The following LRP1B variants were observed in gnomAD, a reference collection of about 807,000 sequenced individuals.
The protein encoded by LRP1B is low-density lipoprotein receptor-related protein 1B.
LRP1B carries 217 observed loss-of-function variants against 556.6 expected under a neutral mutation model. The observed-to-expected ratio is 0.39, with a 90% CI of 0.35 to 0.44. LRP1B has a LOEUF of 0.44. Ranked by LOEUF, LRP1B falls within the 20% of genes least tolerant of loss-of-function variation. The probability of loss-of-function intolerance (pLI) is 1.00; values close to 1 mark genes in which losing one functional copy is unlikely to be tolerated. For synonymous variants in LRP1B, 2,047 were observed against 1,865.8 expected, an observed-to-expected ratio of 1.10 and a Z score of -2.50; for missense variants, 5,053 against 5,620.8, an observed-to-expected ratio of 0.90 and a Z score of 3.23.
chr2:141,382,490 AG>A (rs1209226008), intron 3 of LRP1B, among the ~76,000 whole-genome samples: 5 of 152,200 alleles, frequency 3.3e-5, no homozygotes, highest in Admixed American at 1.3e-4. Flanking sequence ...CAGATCCCAA[AG>A]GGTCCCAGTC....
intron 41 of LRP1B, among the ~76,000 whole-genome samples, chr2:140,665,201 A>G (rs956237470): frequency 1.3e-5 from 2 of 152,200 alleles, no homozygotes; most frequent in African/African-American, 4.8e-5. Context: ...TCATTTGGAC[A>G]TTACTTTTAT....
At chr2:140,303,666 CTT>C (rs1184878611) in intron 83 of LRP1B, among the ~76,000 whole-genome samples, 4 of 151,834 alleles carry the variant, frequency 2.6e-5, no homozygotes, top group East Asian at 1.9e-4. Context: ...AATAAAAAAT[CTT>C]TTTATTATAC....
intron 1 of LRP1B, among the ~76,000 whole-genome samples, chr2:142,117,322 A>G (rs1174538799): frequency 6.6e-6 from 1 of 152,228 alleles, no homozygotes; most frequent in South Asian, 2.1e-4. Flanking sequence ...AGGGGGAGGA[A>G]GATGTGAAGA....
intron 1 of LRP1B, among the ~76,000 whole-genome samples, chr2:141,890,410 C>G (rs1468812897): frequency 1.4e-5 from 1 of 69,878 alleles, no homozygotes; most frequent in African/African-American, 6.0e-5. Context: ...TATATATATA[C>G]TGAATTGAAA....
intron 2 of LRP1B, among the ~76,000 whole-genome samples, chr2:141,799,349 A>G (rs961022511): frequency 2.0e-5 from 3 of 152,182 alleles, no homozygotes; most frequent in African/African-American, 4.8e-5. Context: ...CCATTTGGCC[A>G]CAGAAGCGGA....
intron 32 of LRP1B, among the ~76,000 whole-genome samples, chr2:140,781,027 G>T (rs1445048918): frequency 6.6e-6 from 1 of 152,046 alleles, no homozygotes; most frequent in African/African-American, 2.4e-5. Flanking sequence ...GTTTTGGGTG[G>T]GTAGGGCTTC....
intron 18 of LRP1B, among the ~76,000 whole-genome samples, chr2:140,954,509 G>A (rs1417936439): frequency 4.6e-5 from 7 of 151,810 alleles, no homozygotes; most frequent in African/African-American, 1.5e-4. Flanking sequence ...ATCATCCTAA[G>A]CATCTGAAAA....
chr2:141,281,423 G>T (rs1248934391), intron 3 of LRP1B, among the ~76,000 whole-genome samples: 1 of 151,900 alleles, frequency 6.6e-6, no homozygotes, highest in Non-Finnish European at 1.5e-5. Context: ...GAGAGACATT[G>T]GTAAAAGTAT....
At chr2:140,369,053 T>C (rs1682877592) in intron 71 of LRP1B, among the ~76,000 whole-genome samples, 1 of 151,874 alleles carries the variant, frequency 6.6e-6, no homozygotes, top group Non-Finnish European at 1.5e-5. Flanking sequence ...AAATATTTAG[T>C]AGAATAATTT....
chr2:141,050,444 T>C (rs1230862609), intron 10 of LRP1B, among the ~76,000 whole-genome samples: 2 of 152,014 alleles, frequency 1.3e-5, no homozygotes, highest in African/African-American at 4.8e-5. Context: ...ACCGGTCATC[T>C]AGGTTTTAAG....
At chr2:141,860,406 TATTTA>T (rs1254616132) in intron 1 of LRP1B, among the ~76,000 whole-genome samples, 1 of 152,176 alleles carries the variant, frequency 6.6e-6, no homozygotes, top group Non-Finnish European at 1.5e-5. Context: ...GTAATTAAAT[TATTTA>T]ATTCTTTAAG....
At chr2:141,763,430 G>A (rs1694627583) in intron 2 of LRP1B, among the ~76,000 whole-genome samples, 1 of 152,006 alleles carries the variant, frequency 6.6e-6, no homozygotes, top group Admixed American at 6.6e-5. Flanking sequence ...TTAAAAAGAA[G>A]CTCTCAGGCT....
At chr2:140,387,814 G>T (rs983111185) in intron 66 of LRP1B, among the ~76,000 whole-genome samples, 13 of 151,798 alleles carry the variant, frequency 8.6e-5, no homozygotes, top group African/African-American at 3.1e-4. Context: ...GAAAATATGA[G>T]GTTTTGTACT....
intron 3 of LRP1B, among the ~76,000 whole-genome samples, chr2:141,444,251 G>T (rs1175247516): frequency 6.6e-6 from 1 of 152,040 alleles, no homozygotes. Context: ...TTGGTGTATT[G>T]AAATGCTTGT....
At chr2:141,242,715 G>GT (rs762089266) in intron 5 of LRP1B, among the ~76,000 whole-genome samples, 4 of 151,988 alleles carry the variant, frequency 2.6e-5, no homozygotes, top group Non-Finnish European at 5.9e-5. Flanking sequence ...TAAAATTAGT[G>GT]TTTTTTATTT....
At chr2:140,640,345 A>T (rs1684239341) in intron 41 of LRP1B, among the ~76,000 whole-genome samples, 1 of 106,324 alleles carries the variant, frequency 9.4e-6, no homozygotes, top group South Asian at 3.0e-4. Context: ...TGATAGCATC[A>T]TTTGCTTTCA....
At chr2:140,489,870 C>G (rs1203103570) in intron 57 of LRP1B, among the ~76,000 whole-genome samples, 1 of 152,032 alleles carries the variant, frequency 6.6e-6, no homozygotes, top group East Asian at 1.9e-4. Context: ...TAATAAAACT[C>G]CAATTCCAAA....
intron 86 of LRP1B, among the ~76,000 whole-genome samples, chr2:140,249,818 T>A (rs1681327367): frequency 6.6e-6 from 1 of 151,816 alleles, no homozygotes; most frequent in Non-Finnish European, 1.5e-5. Context: ...GACCAGGTAT[T>A]TTTGTCATCT....
intron 41 of LRP1B, among the ~76,000 whole-genome samples, chr2:140,650,018 AT>A (rs1684619373): frequency 6.6e-6 from 1 of 152,278 alleles, no homozygotes; most frequent in Non-Finnish European, 1.5e-5. Flanking sequence ...AATTTTCTCT[AT>A]TTTGAGAAAT....
Sources: gnomAD v4.1 joint callset for allele counts (sites outside exome capture counted in the v4.1 genomes callset) on GRCh38, gnomAD v4.1.1 for gene constraint, MANE v1.5 for transcripts, NCBI Gene and HGNC (gene_info 2026-07-23, HGNC 2026-07-21) for gene names.